Variants in DMTF1 observed in about 807,000 individuals in gnomAD.
The protein encoded by DMTF1 is cyclin D binding myb like transcription factor 1.
Under a neutral mutation model 91.1 loss-of-function variants are expected in DMTF1, and 39 were observed. The ratio of observed to expected loss-of-function variants is 0.43; its 90% CI spans 0.33 to 0.56. The LOEUF (loss-of-function observed/expected upper bound fraction) is 0.56, where lower values mean the gene tolerates loss of function less well. Among genes scored for constraint, DMTF1 ranks in the 20% least tolerant of loss-of-function variants. DMTF1 has a pLI of 0.05. For missense variants in DMTF1, 750 were observed against 914.5 expected (o/e 0.82, Z 2.32); for synonymous variants, 338 against 309.5 (o/e 1.09, Z -0.97).
At chr7:87,188,012 C>A in intron 12 of DMTF1, 80 bp from the exon 13 acceptor site, 1 of 1,111,006 alleles carries the variant, frequency 9.0e-7, no homozygotes, top group Non-Finnish European at 1.4e-6. Flanking sequence ...TCCCTCCTTA[C>A]CTCCCCCCAC....
At chr7:87,153,882 G>GT (rs1318230033) in intron 1 of DMTF1, among the ~76,000 whole-genome samples, 4 of 152,008 alleles carry the variant, frequency 2.6e-5, no homozygotes, top group South Asian at 2.1e-4. Context: ...TGCAAAATCT[G>GT]TTTTTTTCAG....
intron 1 of DMTF1, among the ~76,000 whole-genome samples, chr7:87,155,822 C>T (rs1050073470): frequency 6.6e-5 from 9 of 135,740 alleles, no homozygotes; most frequent in Non-Finnish European, 1.2e-4. Context: ...GAAAAGCACA[C>T]TGGAGAGCTC....
chr7:87,166,136 C>T (rs769737279), intron 3 of DMTF1, among the ~76,000 whole-genome samples: 32 of 152,206 alleles, frequency 2.1e-4, no homozygotes, highest in Non-Finnish European at 4.6e-4. Flanking sequence ...ACCTGTGTTC[C>T]AGCAGATCAC....
At chr7:87,166,688 A>G (rs1490690240) in intron 4 of DMTF1, 83 bp downstream of exon 4, 6 of 1,380,950 alleles carry the variant, frequency 4.3e-6, no homozygotes, top group Middle Eastern at 1.8e-4. Context: ...GGCATTTCTA[A>G]TAGACTTGGA....
intron 13 of DMTF1, among the ~76,000 whole-genome samples, chr7:87,189,600 T>C (rs545191178): frequency 3.3e-5 from 5 of 152,172 alleles, no homozygotes; most frequent in African/African-American, 9.6e-5. Context: ...GCAAGAAAAA[T>C]GAATATAGTT....
At chr7:87,162,247 AT>A (rs1453092101) in intron 1 of DMTF1, among the ~76,000 whole-genome samples, 2 of 151,436 alleles carry the variant, frequency 1.3e-5, no homozygotes, top group African/African-American at 2.4e-5. Context: ...CTAATTTTTT[AT>A]TTTTTTTCTG....
chr7:87,164,079 G>T (rs1018122275), intron 2 of DMTF1, among the ~76,000 whole-genome samples: 7 of 114,090 alleles, frequency 6.1e-5, no homozygotes, highest in East Asian at 2.6e-4. Flanking sequence ...AAAAAAAAAA[G>T]CTTAATAAAC....
Position 87,194,118 on chromosome 7 carries a change from A to G in DMTF1, c.2028+16A>G. On this transcript the variant is annotated intron_variant, in intron 16 of 17. Coordinates refer to ENST00000331242, the MANE Select transcript of DMTF1 (RefSeq NM_001142327.2). ...TGTTACTGAGGTAAGTTGTACTTTA[A>G]GAACAACTGAATGGATTCTTGCCTT... is the stretch of plus-strand genomic sequence containing the variant. 1 of 1,543,642 alleles carries G rather than the reference A, an allele frequency of 6.5e-7. No individual in the cohort carries two copies. Among genetic ancestry groups the G allele is most frequent in the South Asian group, 1.3e-5 (1 of 79,196 alleles).
At position 87,194,833 on chromosome 7, in the gene DMTF1, T is replaced by C. The variant is rs1479663383; in HGVS notation, c.2173+5T>C. 6.2e-7 allele frequency: 1 copy of C among 1,602,936 alleles called. No homozygotes were observed. Among genetic ancestry groups the C allele is most frequent in the Non-Finnish European group, 8.5e-7 (1 of 1,175,144 alleles). On this transcript the variant is annotated splice_donor_5th_base_variant and intron_variant, in intron 17 of 17. Coordinates refer to ENST00000331242, the MANE Select transcript of DMTF1 (RefSeq NM_001142327.2). ...TGCCTTTGACAACACTAACAGGTAC[T>C]GTAATATAATACTTACTATGTGCCT...
intron 5 of DMTF1, among the ~76,000 whole-genome samples, 193 bp from the exon 6 acceptor site, chr7:87,173,342 T>G (rs1014058619): frequency 4.6e-5 from 7 of 152,272 alleles, no homozygotes; most frequent in African/African-American, 1.7e-4. Context: ...ACTGCCATAA[T>G]AAAAACAGCA....
intron 6 of DMTF1, among the ~76,000 whole-genome samples, chr7:87,173,894 T>G (rs916380920): frequency 6.6e-6 from 1 of 152,230 alleles, no homozygotes; most frequent in Non-Finnish European, 1.5e-5. Flanking sequence ...TTGTTAATTT[T>G]TGAACAAATG....
intron 7 of DMTF1, among the ~76,000 whole-genome samples, chr7:87,176,867 A>G (rs1359975238): frequency 1.3e-5 from 2 of 152,128 alleles, no homozygotes; most frequent in South Asian, 2.1e-4. Flanking sequence ...ATTGGGTGTC[A>G]TATGTTTCAT....
At chr7:87,154,547 ATCTT>A (rs1790176429) in intron 1 of DMTF1, 1 of 152,794 alleles carries the variant, frequency 6.5e-6, no homozygotes. Context: ...TGGGCATTGC[ATCTT>A]TCTTAGAACT....
chr7:87,188,371 T>C, intron 13 of DMTF1, 70 bp downstream of exon 13: 2 of 1,525,246 alleles, frequency 1.3e-6, no homozygotes, highest in East Asian at 2.3e-5. Flanking sequence ...CTGATGTCTT[T>C]TGGTTTTCTA....
At chr7:87,178,603 G>A (rs1429161818) in intron 7 of DMTF1, among the ~76,000 whole-genome samples, 2 of 151,710 alleles carry the variant, frequency 1.3e-5, no homozygotes, top group Non-Finnish European at 2.9e-5. Flanking sequence ...TTTTCTACGT[G>A]GACATACTAA....
intron 3 of DMTF1, among the ~76,000 whole-genome samples, chr7:87,166,219 T>C (rs973345189): frequency 2.6e-5 from 4 of 152,208 alleles, no homozygotes; most frequent in East Asian, 1.9e-4. Context: ...ATATTGCTTC[T>C]ACTGCCAAGA....
At chr7:87,163,839 A>G (rs1474069219) in intron 2 of DMTF1, among the ~76,000 whole-genome samples, 1 of 152,158 alleles carries the variant, frequency 6.6e-6, no homozygotes, top group Non-Finnish European at 1.5e-5. Flanking sequence ...AGGAAAATAC[A>G]TTCACTTCAG....
At chr7:87,165,862 T>C (rs1793708196) in intron 3 of DMTF1, among the ~76,000 whole-genome samples, 1 of 152,232 alleles carries the variant, frequency 6.6e-6, no homozygotes, top group South Asian at 2.1e-4. Flanking sequence ...ATTATGTTTT[T>C]TAAATCCATT....
intron 7 of DMTF1, among the ~76,000 whole-genome samples, chr7:87,177,901 C>T (rs1048311277): frequency 1.3e-5 from 2 of 152,132 alleles, no homozygotes; most frequent in African/African-American, 2.4e-5. Flanking sequence ...ACCAGTACAG[C>T]GCTGTCTTCA....
Sources: gnomAD v4.1 joint callset for allele counts (sites outside exome capture counted in the v4.1 genomes callset) on GRCh38, gnomAD v4.1.1 for gene constraint, MANE v1.5 for transcripts, NCBI Gene and HGNC (gene_info 2026-07-23, HGNC 2026-07-21) for gene names.